CADPS: variants seen among roughly 807,000 people sequenced by gnomAD.
The protein encoded by CADPS is calcium dependent secretion activator.
Under a neutral mutation model 167.3 loss-of-function variants are expected in CADPS, and 57 were observed. The ratio of observed to expected loss-of-function variants is 0.34; its 90% CI spans 0.28 to 0.42. CADPS has a LOEUF of 0.42. Ranked by LOEUF, CADPS falls within the 20% of genes least tolerant of loss-of-function variation. The pLI is 1.00. For synonymous variants in CADPS, 676 were observed against 635.3 expected, an observed-to-expected ratio of 1.06 and a Z score of -0.96; for missense variants, 1,414 against 1,738.1, an observed-to-expected ratio of 0.81 and a Z score of 3.32.
At chr3:62,772,088 A>G (rs7631030) in intron 1 of CADPS, among the ~76,000 whole-genome samples, 71 of 152,242 alleles carry the variant, frequency 4.7e-4, no homozygotes, top group African/African-American at 1.5e-3. Context: ...TAATATATAT[A>G]TTTATAATAC....
At chr3:62,611,292 C>T (rs780254252) in intron 6 of CADPS, among the ~76,000 whole-genome samples, 12 of 152,190 alleles carry the variant, frequency 7.9e-5, no homozygotes, top group Non-Finnish European at 1.5e-4. Flanking sequence ...CTACATCCCA[C>T]ACCTAATGCC....
At chr3:62,652,777 T>C (rs1393349063) in intron 4 of CADPS, among the ~76,000 whole-genome samples, 2 of 152,216 alleles carry the variant, frequency 1.3e-5, no homozygotes, top group East Asian at 3.8e-4. Flanking sequence ...AAAGGAACTC[T>C]GACTTTTATC....
intron 3 of CADPS, among the ~76,000 whole-genome samples, chr3:62,716,772 C>CT: frequency 6.6e-6 from 1 of 152,280 alleles, no homozygotes; most frequent in East Asian, 1.9e-4. Context: ...TGTAGTTTGA[C>CT]TGATTTTTTT....
intron 1 of CADPS, among the ~76,000 whole-genome samples, chr3:62,766,515 G>T (rs564954101): frequency 6.6e-6 from 1 of 152,198 alleles, no homozygotes; most frequent in African/African-American, 2.4e-5. Flanking sequence ...CCCCTCTGGT[G>T]GTCTGAAATA....
intron 1 of CADPS, among the ~76,000 whole-genome samples, chr3:62,855,659 G>C (rs906088300): frequency 1.3e-5 from 2 of 152,130 alleles, no homozygotes; most frequent in African/African-American, 2.4e-5. Context: ...CAAAACGTAA[G>C]TTGTCAAATG....
At chr3:62,736,720 T>G (rs994318188) in intron 3 of CADPS, among the ~76,000 whole-genome samples, 1 of 152,208 alleles carries the variant, frequency 6.6e-6, no homozygotes, top group Non-Finnish European at 1.5e-5. Context: ...TGCTAGAATA[T>G]GAAAAGAAGT....
intron 1 of CADPS, among the ~76,000 whole-genome samples, chr3:62,819,560 A>G (rs1488089605): frequency 6.6e-6 from 1 of 152,092 alleles, no homozygotes; most frequent in African/African-American, 2.4e-5. Flanking sequence ...AACTCTTGGA[A>G]TATCCTGCCT....
At chr3:62,627,095 T>A (rs1276421365) in intron 6 of CADPS, among the ~76,000 whole-genome samples, 1 of 151,798 alleles carries the variant, frequency 6.6e-6, no homozygotes, top group Non-Finnish European at 1.5e-5. Context: ...TCTTAACTCC[T>A]CTGAATCATT....
intron 1 of CADPS, among the ~76,000 whole-genome samples, chr3:62,855,238 C>T (rs1294376474): frequency 1.3e-5 from 2 of 151,806 alleles, no homozygotes; most frequent in African/African-American, 4.8e-5. Flanking sequence ...AGGCACTGTG[C>T]TTGGCCTAAA....
intron 11 of CADPS, among the ~76,000 whole-genome samples, chr3:62,543,701 G>T (rs2076052583): frequency 6.6e-6 from 1 of 152,054 alleles, no homozygotes; most frequent in South Asian, 2.1e-4. Context: ...ATCATTAAAT[G>T]GTCAGGAGAA....
At chr3:62,512,836 G>T in intron 16 of CADPS, 68 bp from the exon 17 acceptor site, 1 of 1,389,812 alleles carries the variant, frequency 7.2e-7, no homozygotes, top group Admixed American at 1.9e-5. Flanking sequence ...CAGAATTAAT[G>T]AGCAAGTGGA....
intron 23 of CADPS, among the ~76,000 whole-genome samples, chr3:62,476,453 A>G (rs2061339907): frequency 6.6e-6 from 1 of 152,216 alleles, no homozygotes; most frequent in South Asian, 2.1e-4. Context: ...CAGGCCAGCC[A>G]TACATGTGCA....
intron 24 of CADPS, chr3:62,467,295 T>C (rs982395151): frequency 8.0e-7 from 1 of 1,257,060 alleles, no homozygotes; most frequent in Non-Finnish European, 1.0e-6. Flanking sequence ...AAAATGCACT[T>C]ACCCACATTT....
intron 23 of CADPS, among the ~76,000 whole-genome samples, chr3:62,475,787 A>G (rs935239217): frequency 2.6e-5 from 4 of 152,098 alleles, no homozygotes; most frequent in Non-Finnish European, 5.9e-5. Flanking sequence ...AGGAGGCCTG[A>G]TGAGGACTGA....
intron 17 of CADPS, chr3:62,500,019 C>T (rs1435791489): frequency 1.3e-5 from 2 of 152,172 alleles, no homozygotes; most frequent in African/African-American, 4.8e-5. Context: ...TGAACCCTGG[C>T]TTATGTTGCC....
rs75554349 is a variant in CADPS, at chr3:62,765,770, C to T, written c.555+101G>A. On this transcript the variant is annotated intron_variant, in intron 2 of 29. Coordinates refer to ENST00000383710, the MANE Select transcript of CADPS (RefSeq NM_003716.4). ...CCCATTTGCCTTAGGAAGGATGATACTGTAGTAAACCAAAACGACTGTCCC... is the reference window on the plus strand; with the variant it reads ...CCCATTTGCCTTAGGAAGGATGATATTGTAGTAAACCAAAACGACTGTCCC... The T allele has an allele frequency of 5.4e-3, 3,468 of 641,860 alleles. 30 individuals are homozygous for T. Among genetic ancestry groups the T allele is most frequent in the South Asian group, 0.026 (1,161 of 44,682 alleles). 39.8% of individuals were successfully genotyped at this position (641,860 alleles called of 1,614,324 possible).
intron 9 of CADPS, among the ~76,000 whole-genome samples, chr3:62,567,912 A>C (rs2080570583): frequency 6.6e-6 from 1 of 151,856 alleles, no homozygotes; most frequent in African/African-American, 2.4e-5. Context: ...TCCCATTTAC[A>C]TTGTATGCTC....
chr3:62,614,141 T>C (rs2061906066), intron 6 of CADPS, among the ~76,000 whole-genome samples: 1 of 152,222 alleles, frequency 6.6e-6, no homozygotes, highest in African/African-American at 2.4e-5. Context: ...ATTGAGCACT[T>C]ACTATGGGCC....
intron 3 of CADPS, among the ~76,000 whole-genome samples, chr3:62,663,238 T>C (rs1277079336): frequency 6.6e-6 from 1 of 152,100 alleles, no homozygotes; most frequent in Non-Finnish European, 1.5e-5. Flanking sequence ...CACTAAACAA[T>C]ATGTAAGTAT....
Sources: gnomAD v4.1 joint callset for allele counts (sites outside exome capture counted in the v4.1 genomes callset) on GRCh38, gnomAD v4.1.1 for gene constraint, MANE v1.5 for transcripts, NCBI Gene and HGNC (gene_info 2026-07-23, HGNC 2026-07-21) for gene names.